The following GAN variants were observed in gnomAD, a reference collection of about 807,000 sequenced individuals.
GAN encodes epididymis secretory sperm binding protein.
In GAN, 48 loss-of-function variants were observed where a neutral mutation model predicts 71.3. That is an observed-to-expected ratio of 0.67 (90% CI 0.53 to 0.86). The LOEUF is 0.86. GAN is among the 40% of genes least tolerant of loss of function. The pLI is 0.00. For missense variants in GAN, 928 were observed against 770.1 expected, an observed-to-expected ratio of 1.21 and a Z score of -2.43; for synonymous variants, 386 against 276.8, an observed-to-expected ratio of 1.39 and a Z score of -3.92.
chr16:81,372,683 T>A (rs908174495), intron 9 of GAN, among the ~76,000 whole-genome samples: 7 of 152,208 alleles, frequency 4.6e-5, no homozygotes, highest in African/African-American at 1.7e-4. Context: ...GTTAATACAG[T>A]CATTCCGGGG....
At chr16:81,352,286 G>A (rs1376117134) in intron 2 of GAN, among the ~76,000 whole-genome samples, 2 of 152,088 alleles carry the variant, frequency 1.3e-5, no homozygotes, top group Admixed American at 1.3e-4. Flanking sequence ...TTGAACCTCT[G>A]GGGACTTTGT....
rs898538319 is a variant in GAN, at chr16:81,378,630, C to T, written c.*1034C>T. The T allele has an allele frequency of 5.2e-5, 8 of 152,620 alleles. No homozygotes were observed. Among genetic ancestry groups the T allele is most frequent in the African/African-American group, 1.9e-4 (8 of 41,448 alleles). 9.5% of individuals were successfully genotyped at this position (152,620 alleles called of 1,614,324 possible). On this transcript the variant is annotated 3_prime_UTR_variant, in exon 11 of 11. Coordinates refer to ENST00000648994, the MANE Select transcript of GAN (RefSeq NM_022041.4). Reference sequence around the variant, plus strand: ...TGAAAACTTGTCTTAGAATGCGAATCTGTGTTAAGAATCTAGTCTTTGTAA... The same window carrying T: ...TGAAAACTTGTCTTAGAATGCGAATTTGTGTTAAGAATCTAGTCTTTGTAA...
chr16:81,369,925 A>G (rs2150694626), intron 9 of GAN, among the ~76,000 whole-genome samples: 1 of 152,340 alleles, frequency 6.6e-6, no homozygotes, highest in South Asian at 2.1e-4. Context: ...TAATCAGGTG[A>G]TCATACTGAT....
In GAN at chr16:81,354,694, A is replaced by G. The variant is rs139748896; in HGVS notation, c.572A>G (p.Asn191Ser). 3.4e-5 allele frequency: 55 copies of G among 1,613,436 alleles called. No individual in the cohort carries two copies. The East Asian group carries it at 3.6e-4, about 10-fold the overall frequency. ...VISLEKLNVGNERYVFEAVIR... is the reference protein window; with the variant it reads ...VISLEKLNVGSERYVFEAVIR... ...TCTCTTGAGAAGTTAAACGTTGGCAATGAAAGATATGTCTTTGAAGCAGTA... is the reference window on the plus strand; with the variant it reads ...TCTCTTGAGAAGTTAAACGTTGGCAGTGAAAGATATGTCTTTGAAGCAGTA... The change falls in exon 3 of 11, where the codon AAT (asparagine) becomes AGT (serine). Residue 191 changes from asparagine (N) to serine (S), a missense_variant. By Grantham distance (46) the Asn-to-Ser change is conservative (BLOSUM62 1). Transcript: ENST00000648994.
chr16:81,335,522 A>C (rs1362739854), intron 1 of GAN, among the ~76,000 whole-genome samples: 1 of 152,090 alleles, frequency 6.6e-6, no homozygotes, highest in Non-Finnish European at 1.5e-5. Flanking sequence ...CAAGGTGGGC[A>C]GATCAACTGA....
chr16:81,332,507 G>C (rs748591515), intron 1 of GAN, among the ~76,000 whole-genome samples: 1 of 152,170 alleles, frequency 6.6e-6, no homozygotes, highest in African/African-American at 2.4e-5. Flanking sequence ...CCCTTCCTTG[G>C]TGTACTTGCT....
chr16:81,348,338 G>T (rs1262568397), intron 1 of GAN, among the ~76,000 whole-genome samples: 4 of 151,994 alleles, frequency 2.6e-5, no homozygotes, highest in Non-Finnish European at 5.9e-5. Context: ...GGAAGATTAC[G>T]ATGAATTTTT....
chr16:81,315,264 G>C lies in GAN; in HGVS notation c.151G>C (p.Ala51Pro), dbSNP rs750258209. 6.4e-7 allele frequency: 1 copy of C among 1,568,256 alleles called. No individual in the cohort carries two copies. The highest frequency in any genetic ancestry group is 1.2e-5 in the South Asian group (1 of 86,062). The change falls in exon 1 of 11, where the codon GCC becomes CCC. Residue 51 changes from alanine to proline, a missense_variant. By Grantham distance (27) the Ala-to-Pro change is conservative. Transcript: ENST00000648994. ...GGTGCAGAAGAACATCCTGGCGGCG[G>C]CCAGCCCGTACATCAGGTGGGGAGG... ...IPVQKNILAAASPYIRTKLNY... is the reference protein window; with the variant it reads ...IPVQKNILAAPSPYIRTKLNY...
In GAN at chr16:81,389,370, A is replaced by G. The variant is rs1904497803; in HGVS notation, c.*11774A>G. The G allele has an allele frequency of 6.6e-6, 1 of 152,166 alleles. No homozygotes were observed. The allele number at this position is 152,166 out of a possible 1,614,324, so 9.4% of individuals were successfully genotyped here. On this transcript the variant is annotated 3_prime_UTR_variant, in exon 11 of 11. Transcript: ENST00000648994. ...ATACCTTTTGTGAATTGTGACAACC[A>G]TCCCGTAATCATTGTGGCCTCAGCA... is the stretch of plus-strand genomic sequence containing the variant.
At chr16:81,376,499 GTGTGTGTGTGTA>G (rs1433312014) in intron 9 of GAN, among the ~76,000 whole-genome samples, 3,367 of 144,920 alleles carry the variant, frequency 0.023, 64 homozygotes, top group African/African-American at 0.044. Context: ...GTGTGTGTGT[GTGTGTGTGTGTA>G]TGTGTGTGTG....
chr16:81,358,565 C>T (rs1274953358), intron 5 of GAN, among the ~76,000 whole-genome samples: 2 of 151,466 alleles, frequency 1.3e-5, no homozygotes, highest in African/African-American at 2.4e-5. Flanking sequence ...GCCAAGATCA[C>T]ACCACTGCAT....
At chr16:81,341,609 G>T (rs1909944563) in intron 1 of GAN, among the ~76,000 whole-genome samples, 1 of 152,142 alleles carries the variant, frequency 6.6e-6, no homozygotes, top group Non-Finnish European at 1.5e-5. Context: ...CACCAGGCCT[G>T]CCTTACAAGA....
chr16:81,362,178 C>G (rs1440519349), intron 5 of GAN, among the ~76,000 whole-genome samples: 1 of 152,026 alleles, frequency 6.6e-6, no homozygotes, highest in Non-Finnish European at 1.5e-5. Flanking sequence ...TATGAGAATC[C>G]CAGAGGCTGA....
Position 81,377,456 on chromosome 16 carries a change from G to T in GAN, c.1654G>T (p.Gly552Ter). The change falls in exon 11 of 11, where the codon GGA (glycine) becomes TGA (stop). Residue 552 changes from glycine (G) to a stop codon, truncating the protein, a stop_gained. Coordinates refer to ENST00000648994, the MANE Select transcript of GAN (RefSeq NM_022041.4). LOFTEE classifies it high-confidence loss of function. Reference protein sequence around the residue: ...DYVREFKRSTGTWHHTKPLLP... With the variant: ...DYVREFKRST ...CGTGCGTGAGTTTAAAAGAAGCACA[G>T]GAACCTGGCACCACACTAAACCACT... The T allele has an allele frequency of 6.2e-7, 1 of 1,614,174 alleles. No homozygotes were observed. Among genetic ancestry groups the T allele is most frequent in the Non-Finnish European group, 8.5e-7 (1 of 1,179,990 alleles).
chr16:81,367,116 C>T (rs1055466587), intron 9 of GAN, among the ~76,000 whole-genome samples: 6 of 152,200 alleles, frequency 3.9e-5, no homozygotes, highest in Non-Finnish European at 8.8e-5. Flanking sequence ...AGCCACCGCA[C>T]CTGGCCTATC....
rs1304221780 is a variant in GAN at position 81,381,388 on chromosome 16, A to T, written c.*3792A>T. ...CCTTTGGTTAAATGGGGGAAGAATG[A>T]GGTGGCGCTTTGACTGTATCAATTT... On this transcript the variant is annotated 3_prime_UTR_variant, in exon 11 of 11. Transcript: ENST00000648994. 6.6e-6 allele frequency: 1 copy of T among 152,192 alleles called. No individual in the cohort carries two copies. The highest frequency in any genetic ancestry group is 1.5e-5 in the Non-Finnish European group (1 of 68,036). The allele number at this position is 152,192 out of a possible 1,614,324, so 9.4% of individuals were successfully genotyped here. A position where few individuals can be genotyped will look rare whatever the true frequency, so the allele number is the denominator to read the frequency against.
chr16:81,319,732 A>G (rs1909165135), intron 1 of GAN, among the ~76,000 whole-genome samples: 1 of 152,034 alleles, frequency 6.6e-6, no homozygotes, highest in African/African-American at 2.4e-5. Flanking sequence ...TTTTGAGAGA[A>G]GGCAGGTCTA....
At chr16:81,364,180 C>G (rs1480084672) in intron 7 of GAN, among the ~76,000 whole-genome samples, 1 of 152,180 alleles carries the variant, frequency 6.6e-6, no homozygotes, top group Non-Finnish European at 1.5e-5. Context: ...CGCTGTGTGT[C>G]AAGCTCCACA....
rs148410441 is a variant in GAN, at chr16:81,317,357, C to T, written c.167+2077C>T. 1.1e-4 allele frequency among the ~76,000 whole-genome samples: 17 copies of T among 152,338 alleles called. No individual in the cohort carries two copies. In the East Asian group the frequency reaches 3.3e-3, roughly 29 times the overall value. The stretch of plus-strand genomic sequence containing the variant: ...CGCACTGGATTCAGAGTTTGAAGAC[C>T]CGCTTTGTGCTTCCAGCTTTTACTC... On this transcript the variant is annotated intron_variant, in intron 1 of 10. Coordinates refer to ENST00000648994, the MANE Select transcript of GAN (RefSeq NM_022041.4).
Sources: gnomAD v4.1 joint callset for allele counts (sites outside exome capture counted in the v4.1 genomes callset) on GRCh38, gnomAD v4.1.1 for gene constraint, MANE v1.5 for transcripts, NCBI Gene and HGNC (gene_info 2026-07-23, HGNC 2026-07-21) for gene names.